BRPF3: variants seen among roughly 807,000 people sequenced by gnomAD.
BRPF3 encodes the protein bromodomain and PHD finger-containing protein 3.
A neutral mutation model predicts 102.0 loss-of-function variants in BRPF3; 18 were observed. The ratio of observed to expected loss-of-function variants is 0.18; its 90% confidence interval spans 0.12 to 0.26. The LOEUF is 0.26. BRPF3 is among the 10% of genes least tolerant of loss of function. BRPF3 has a pLI of 1.00. For missense variants in BRPF3, 1,147 were observed against 1,567.8 expected (o/e 0.73, Z 4.53); for synonymous variants, 570 against 614.2 (o/e 0.93, Z 1.06).
At chr6:36,228,809 CT>C in intron 11 of BRPF3, 92 bp from the exon 12 acceptor site, 1 of 1,442,954 alleles carries the variant, frequency 6.9e-7, no homozygotes, top group South Asian at 1.2e-5. Flanking sequence ...TGATACTCCC[CT>C]GGTGTGGGTG....
At position 36,200,723 on chromosome 6, in the gene BRPF3, C is replaced by A. The variant is rs1486868592; in HGVS notation, c.401C>A (p.Pro134His). ...SGIQPEAPPLPAAYYRYIEKP... is the reference protein window; with the variant it reads ...SGIQPEAPPLHAAYYRYIEKP... ...ATCCAGCCAGAAGCACCCCCGCTGC[C>A]TGCTGCCTACTACCGCTACATTGAG... is the stretch of plus-strand genomic sequence containing the variant. Residue 134 changes from proline to histidine, a missense_variant, in exon 2 of 13, where the codon CCT (proline) becomes CAT (histidine). By Grantham distance (77) the Pro-to-His change is moderately conservative (BLOSUM62 -2). Transcript: ENST00000357641. The surrounding 1 kb of genome is among the most constrained non-coding windows in gnomAD (Gnocchi z 5.3). The A allele has an allele frequency of 6.2e-7, 1 of 1,614,198 alleles. No individual in the cohort carries two copies. The highest frequency in any genetic ancestry group is 1.7e-5 in the Admixed American group (1 of 60,018).
chr6:36,206,287 C>T (rs1767902583), intron 3 of BRPF3, among the ~76,000 whole-genome samples: 1 of 152,120 alleles, frequency 6.6e-6, no homozygotes, highest in Admixed American at 6.5e-5. Context: ...TTGGCATGGA[C>T]ATTGGTGGGG....
At chr6:36,218,039 G>C in intron 9 of BRPF3, 29 bp downstream of exon 9, 1 of 1,584,156 alleles carries the variant, frequency 6.3e-7, no homozygotes, top group Non-Finnish European at 8.6e-7. Flanking sequence ...AGCTTTGTCA[G>C]CAGCTCTGCT....
At chr6:36,199,850 G>A (rs182785704) in intron 1 of BRPF3, among the ~76,000 whole-genome samples, 29 of 152,320 alleles carry the variant, frequency 1.9e-4, no homozygotes, top group Admixed American at 8.5e-4. Flanking sequence ...TACTTATTGA[G>A]TGGTTACTTA....
chr6:36,211,560 G>T lies in BRPF3; in HGVS notation c.2482G>T (p.Asp828Tyr). The T allele has an allele frequency of 6.4e-7, 1 of 1,550,972 alleles. No individual in the cohort carries two copies. Among genetic ancestry groups the T allele is most frequent in the Admixed American group, 2.0e-5 (1 of 51,024 alleles). Residue 828 changes from aspartate (D) to tyrosine (Y), a missense_variant and splice_region_variant, in exon 7 of 13, where the codon GAT becomes TAT. Around this residue, in one of 11 missense-constraint regions of BRPF3, gnomAD observed 379 missense variants for 426.3 expected, o/e 0.89. Transcript: ENST00000357641. Reference protein sequence around the residue: ...QEEPEDDGDRDDSKLPPPPTL... With the variant: ...QEEPEDDGDRYDSKLPPPPTL... The stretch of plus-strand genomic sequence containing the variant: ...GGAGCCAGAAGACGATGGGGACAGA[G>T]GTGAGAGATAGTCACAGGCAGGCAG...
At chr6:36,208,988 T>C (rs575853953) in intron 4 of BRPF3, among the ~76,000 whole-genome samples, 1 of 152,324 alleles carries the variant, frequency 6.6e-6, no homozygotes, top group South Asian at 2.1e-4. Flanking sequence ...CTCAGCACAC[T>C]GGGAAATTCT....
chr6:36,222,103 G>A (rs1768564965), intron 9 of BRPF3, 65 bp from the exon 10 acceptor site: 1 of 1,466,610 alleles, frequency 6.8e-7, no homozygotes, highest in African/African-American at 1.4e-5. Flanking sequence ...GAGGGGAGAA[G>A]GGGAGTCGGC....
chr6:36,204,493 C>G, intron 2 of BRPF3, 165 bp from the exon 3 acceptor site: 1 of 722,114 alleles, frequency 1.4e-6, no homozygotes. Context: ...AGCTGCTTAA[C>G]TTTACTGTCC....
At chr6:36,217,669 TAAAC>T (rs1768376893) in intron 8 of BRPF3, among the ~76,000 whole-genome samples, 1 of 152,166 alleles carries the variant, frequency 6.6e-6, no homozygotes, top group Admixed American at 6.5e-5. Flanking sequence ...ATGGTTTCCT[TAAAC>T]AAAAAGCAGA....
Position 36,201,653 on chromosome 6 carries a change from T to A in BRPF3, c.1331T>A (p.Val444Glu), listed in dbSNP as rs1257865762. Residue 444 changes from valine to glutamate, a missense_variant, in exon 2 of 13, where the codon GTG becomes GAG. Val to Glu is a moderately radical substitution (Grantham distance 121). Coordinates refer to ENST00000357641, the MANE Select transcript of BRPF3 (RefSeq NM_015695.3). This position sits in a 1 kb window ranked among gnomAD's most constrained non-coding sequence, Gnocchi z 5.1. ...QGGVSGSLKG[V>E]PKKSKMSLKQ... ...GGGGTGAGTGGCTCCCTCAAGGGAG[T>A]GCCCAAGAAAAGCAAGATGAGTTTG... 6.2e-7 allele frequency: 1 copy of A among 1,613,866 alleles called. No individual in the cohort carries two copies. Among genetic ancestry groups the A allele is most frequent in the Non-Finnish European group, 8.5e-7 (1 of 1,179,984 alleles).
At chr6:36,211,186 A>T in intron 6 of BRPF3, 72 bp from the exon 7 acceptor site, 1 of 1,481,080 alleles carries the variant, frequency 6.8e-7, no homozygotes, top group Non-Finnish European at 9.1e-7. Context: ...CATCCGAAGG[A>T]TTCGGCCCCT....
chr6:36,221,132 A>G (rs938161490), intron 9 of BRPF3, among the ~76,000 whole-genome samples: 5 of 152,206 alleles, frequency 3.3e-5, no homozygotes, highest in African/African-American at 1.2e-4. Context: ...TGTATGGGGA[A>G]CAATTTGAAA....
intron 7 of BRPF3, 89 bp from the exon 8 acceptor site, chr6:36,213,791 T>C (rs755757745): frequency 1.0e-5 from 14 of 1,339,962 alleles, no homozygotes; most frequent in Non-Finnish European, 1.0e-5. Context: ...AGCCAATGCT[T>C]TTGGTCCTTG....
Position 36,211,503 on chromosome 6 carries a change from G to C in BRPF3, c.2425G>C (p.Asp809His). 1 of 1,567,474 alleles carries C rather than the reference G, an allele frequency of 6.4e-7. No individual in the cohort carries two copies. Among genetic ancestry groups the C allele is most frequent in the Non-Finnish European group, 8.7e-7 (1 of 1,155,864 alleles). The change falls in exon 7 of 13, where the codon GAT (aspartate) becomes CAT (histidine). Residue 809 changes from aspartate (D) to histidine (H), a missense_variant. Transcript: ENST00000357641. The stretch of plus-strand genomic sequence containing the variant: ...GGAGCTGCCAGCAGGGCCCCAGGGG[G>C]ATGCAGCTGTGCTGGAGCAGGCCTT... The part of the protein sequence containing the change: ...NGELPAGPQG[D>H]AAVLEQALQE...
chr6:36,217,246 A>G (rs185256559), intron 8 of BRPF3, among the ~76,000 whole-genome samples: 94 of 152,300 alleles, frequency 6.2e-4, no homozygotes, highest in African/African-American at 2.1e-3. Context: ...AGCAAGAGAA[A>G]AGGAACCTGT....
In BRPF3 at chr6:36,211,813, C is replaced by G. The variant is rs117645220; in HGVS notation, c.2482+253C>G. Reference sequence around the variant, plus strand: ...TATTGGAGTGGGCTCCCAAAGGCCCCTGTTGTGGATATTTAGTTGCTGGAT... The same window carrying G: ...TATTGGAGTGGGCTCCCAAAGGCCCGTGTTGTGGATATTTAGTTGCTGGAT... On this transcript the variant is annotated intron_variant, in intron 7 of 12. Coordinates refer to ENST00000357641, the MANE Select transcript of BRPF3 (RefSeq NM_015695.3). 7.2e-5 allele frequency among the ~76,000 whole-genome samples: 11 copies of G among 152,306 alleles called. No homozygotes were observed. In the East Asian group the frequency reaches 2.1e-3, roughly 29 times the overall value.
At chr6:36,217,404 T>TCCA (rs1349460802) in intron 8 of BRPF3, among the ~76,000 whole-genome samples, 1 of 152,196 alleles carries the variant, frequency 6.6e-6, no homozygotes, top group East Asian at 1.9e-4. Flanking sequence ...AGGGCCCTTA[T>TCCA]CCATCTCTAG....
Position 36,201,448 on chromosome 6 carries a change from A to G in BRPF3, c.1126A>G (p.Thr376Ala), listed in dbSNP as rs745512954. 1 of 1,614,154 alleles carries G rather than the reference A, an allele frequency of 6.2e-7. No individual in the cohort carries two copies. The highest frequency in any genetic ancestry group is 8.5e-7 in the Non-Finnish European group (1 of 1,180,020). Reference protein sequence around the residue: ...RETSLNGTIFTVRKTAYCEAH... With the variant: ...RETSLNGTIFAVRKTAYCEAH... ...AACCAGCCTCAATGGCACCATCTTT[A>G]CAGTGCGCAAGACTGCCTACTGTGA... The change falls in exon 2 of 13, where the codon ACA (threonine) becomes GCA (alanine). Residue 376 changes from threonine to alanine, a missense_variant. By Grantham distance (58) the Thr-to-Ala change is moderately conservative. Around this residue, in one of 11 missense-constraint regions of BRPF3, gnomAD observed 157 missense variants for 163.6 expected, o/e 0.96. Transcript: ENST00000357641. The surrounding 1 kb of genome is among the most constrained non-coding windows in gnomAD (Gnocchi z 5.1).
rs770262650 is a variant in BRPF3, at chr6:36,232,305, C to T, written c.*1696C>T. 4 of 152,266 alleles carry T rather than the reference C, an allele frequency of 2.6e-5. No homozygotes were observed. Among genetic ancestry groups the T allele is most frequent in the East Asian group, 1.9e-4 (1 of 5,190 alleles). The allele number at this position is 152,266 out of a possible 1,614,324, so 9.4% of individuals were successfully genotyped here. A position where few individuals can be genotyped will look rare whatever the true frequency, so the allele number is the denominator to read the frequency against. On this transcript the variant is annotated 3_prime_UTR_variant, in exon 13 of 13. Coordinates refer to ENST00000357641, the MANE Select transcript of BRPF3 (RefSeq NM_015695.3). ...CCTCCATTGTGTGGCCACACAGTGT[C>T]GTTGATTTAAAGGAGCCAGTGCTTC...
Sources: gnomAD v4.1 joint callset for allele counts (sites outside exome capture counted in the v4.1 genomes callset) on GRCh38, gnomAD v4.1.1 for gene constraint, gnomAD v4.1.1 regional missense constraint, Gnocchi (gnomAD v3.1) non-coding constraint, MANE v1.5 for transcripts, NCBI Gene and HGNC (gene_info 2026-07-23, HGNC 2026-07-21) for gene names.